Variants in DOCK4 observed in about 807,000 individuals in gnomAD.
The protein encoded by DOCK4 is dedicator of cytokinesis 4.
In DOCK4, 97 loss-of-function variants were observed where a neutral mutation model predicts 268.1. The observed-to-expected ratio is 0.36, with a 90% confidence interval of 0.31 to 0.43. The LOEUF (loss-of-function observed/expected upper bound fraction) is 0.43. Ranked by LOEUF, DOCK4 falls within the 20% of genes least tolerant of loss-of-function variation. The pLI is 1.00. For synonymous variants in DOCK4, 954 were observed against 887.2 expected (o/e 1.08, Z -1.34); for missense variants, 2,145 against 2,455.7 (o/e 0.87, Z 2.67).
chr7:112,070,714 T>C (rs10262170), intron 1 of DOCK4, among the ~76,000 whole-genome samples: 73,656 of 151,848 alleles, frequency 0.49, 18,971 homozygotes, highest in African/African-American at 0.67. Context: ...AAAATAAAAA[T>C]AAACTGAGGT....
chr7:111,878,340 A>G (rs181361200), intron 16 of DOCK4, among the ~76,000 whole-genome samples: 52 of 152,372 alleles, frequency 3.4e-4, no homozygotes, highest in African/African-American at 1.3e-3. Context: ...TCAGAAAATC[A>G]TTAACTGAAA....
At chr7:111,863,087 T>C (rs1180245425) in intron 23 of DOCK4, 1 of 320,862 alleles carries the variant, frequency 3.1e-6, no homozygotes, top group Admixed American at 4.9e-5. Flanking sequence ...AAGAGAAAAA[T>C]AAGGATCCTA....
chr7:111,781,201 A>G (rs1371227843), intron 35 of DOCK4, among the ~76,000 whole-genome samples: 1 of 152,218 alleles, frequency 6.6e-6, no homozygotes, highest in African/African-American at 2.4e-5. Context: ...ACTTTGGGGA[A>G]AGGTAAAGGC....
At chr7:112,128,015 C>T (rs949008559) in intron 1 of DOCK4, among the ~76,000 whole-genome samples, 2 of 152,124 alleles carry the variant, frequency 1.3e-5, no homozygotes, top group Non-Finnish European at 2.9e-5. Flanking sequence ...GGCAACAGAG[C>T]GAGACTCTGT....
intron 32 of DOCK4, 176 bp downstream of exon 32, chr7:111,788,486 A>G: frequency 1.7e-6 from 1 of 604,182 alleles, no homozygotes; most frequent in East Asian, 2.8e-5. Flanking sequence ...TCAACATTAT[A>G]AGATCCATTC....
intron 11 of DOCK4, among the ~76,000 whole-genome samples, chr7:111,936,071 C>T (rs1349404422): frequency 1.3e-5 from 2 of 152,172 alleles, no homozygotes; most frequent in East Asian, 3.8e-4. Context: ...CTAACATGGG[C>T]TTAGGGTAAT....
chr7:111,783,006 G>GAA, intron 34 of DOCK4, 82 bp from the exon 35 acceptor site: 1 of 497,142 alleles, frequency 2.0e-6, no homozygotes, highest in South Asian at 3.5e-5. Context: ...GGGAAAAAAA[G>GAA]AAAGAAAGAA....
rs149739152 is a variant in DOCK4 at position 111,998,409 on chromosome 7, G to A, written c.218+39C>T. 2.7e-4 allele frequency: 393 copies of A among 1,472,386 alleles called. 1 individual carries two copies. In the African/African-American group the frequency reaches 4.8e-3, roughly 18 times the overall value. 91.2% of individuals were successfully genotyped at this position (1,472,386 alleles called of 1,614,324 possible). A position where few individuals can be genotyped will look rare whatever the true frequency, so the allele number is the denominator to read the frequency against. On this transcript the variant is annotated intron_variant, in intron 4 of 52. Transcript: ENST00000428084. Reference sequence around the variant, plus strand: ...AAATTCCAAAAGAAGCAAAGGCTCTGTGAAAATCCTCCAACTACTAATAAA... The same window carrying A: ...AAATTCCAAAAGAAGCAAAGGCTCTATGAAAATCCTCCAACTACTAATAAA...
At chr7:112,130,521 C>T (rs1330931415) in intron 1 of DOCK4, among the ~76,000 whole-genome samples, 1 of 152,106 alleles carries the variant, frequency 6.6e-6, no homozygotes, top group East Asian at 1.9e-4. Flanking sequence ...TTTTTTCTGT[C>T]TAAGCAAAGC....
Position 111,977,242 on chromosome 7 carries a change from G to A in DOCK4, c.591C>T (p.Ala197=). 6.2e-7 allele frequency: 1 copy of A among 1,608,918 alleles called. No individual in the cohort carries two copies. The highest frequency in any genetic ancestry group is 1.1e-5 in the South Asian group (1 of 89,754). ...RHRKKDTPVQ[A]SSHHLFVQMK... ...TCTGGACAAAGAGGTGGTGACTGCT[G>A]GCCTGCACCGGGGTGTCTTTCTTCC... The change falls in exon 8 of 53, where the codon GCC becomes GCT. Residue 197 remains alanine, a synonymous_variant. Transcript: ENST00000428084.
intron 1 of DOCK4, among the ~76,000 whole-genome samples, chr7:112,156,083 G>T (rs779780197): frequency 1.7e-4 from 26 of 152,098 alleles, no homozygotes; most frequent in Non-Finnish European, 2.8e-4. Flanking sequence ...CAGAGCATGG[G>T]CTTTGGAGGC....
chr7:111,807,277 A>T (rs1165273576), intron 30 of DOCK4, among the ~76,000 whole-genome samples: 1 of 152,188 alleles, frequency 6.6e-6, no homozygotes, highest in Non-Finnish European at 1.5e-5. Flanking sequence ...TGTCGAATGC[A>T]ATATGGACAC....
At chr7:112,087,583 G>GA (rs1809214318) in intron 1 of DOCK4, among the ~76,000 whole-genome samples, 2 of 151,844 alleles carry the variant, frequency 1.3e-5, no homozygotes, top group South Asian at 4.2e-4. Context: ...AAATGTCTAG[G>GA]AAAAAAATGA....
chr7:111,760,113 C>A, intron 40 of DOCK4, 68 bp downstream of exon 40: 2 of 1,579,460 alleles, frequency 1.3e-6, no homozygotes, highest in Non-Finnish European at 1.7e-6. Flanking sequence ...AACAACCTTG[C>A]ATGGAAATGC....
chr7:112,146,251 A>G (rs1815482773), intron 1 of DOCK4, among the ~76,000 whole-genome samples: 2 of 152,200 alleles, frequency 1.3e-5, no homozygotes, highest in Admixed American at 1.3e-4. Context: ...GAGGAGTTTC[A>G]AAGTCTCCAA....
chr7:111,899,405 C>T (rs1790941527), intron 15 of DOCK4, among the ~76,000 whole-genome samples: 1 of 152,114 alleles, frequency 6.6e-6, no homozygotes, highest in Admixed American at 6.5e-5. Context: ...CCAAAACTTT[C>T]TCTGGTCACA....
intron 4 of DOCK4, among the ~76,000 whole-genome samples, chr7:111,997,865 G>A (rs959099820): frequency 3.1e-4 from 47 of 152,126 alleles, no homozygotes; most frequent in African/African-American, 9.9e-4. Context: ...TTGGAATTAT[G>A]TTAAAGTGAC....
At chr7:112,067,242 T>TAAAA (rs76863833) in intron 1 of DOCK4, among the ~76,000 whole-genome samples, 1 of 136,148 alleles carries the variant, frequency 7.3e-6, no homozygotes. Context: ...CACCTTTACT[T>TAAAA]AAAAAAAAAA....
chr7:112,173,010 G>A (rs75972267), intron 1 of DOCK4, among the ~76,000 whole-genome samples: 3,915 of 152,220 alleles, frequency 0.026, 168 homozygotes, highest in African/African-American at 0.09. Context: ...CGTCGTGTGA[G>A]CCCTTCATGA....
Sources: allele counts gnomAD v4.1 joint callset (sites outside exome capture counted in the v4.1 genomes callset), GRCh38; gene constraint gnomAD v4.1.1; transcripts MANE v1.5; gene names NCBI Gene and HGNC (gene_info 2026-07-23, HGNC 2026-07-21).